Variants in P3H2 observed in about 807,000 individuals in gnomAD.
P3H2 encodes the protein prolyl 3-hydroxylase 2, also known as leprecan-like 1.
In P3H2, 80 loss-of-function variants were observed where a neutral mutation model predicts 87.0. The ratio of observed to expected loss-of-function variants is 0.92; its 90% CI spans 0.77 to 1.11. P3H2 has a LOEUF of 1.11. Among genes scored for constraint, P3H2 ranks in the 50% least tolerant of loss-of-function variants. The pLI, the probability that P3H2 is intolerant of heterozygous loss-of-function variation, is 0.00. For synonymous variants in P3H2, 367 were observed against 359.3 expected (o/e 1.02, Z -0.24); for missense variants, 1,001 against 923.9 (o/e 1.08, Z -1.08).
chr3:190,104,548 C>T (rs1446737458), intron 1 of P3H2, among the ~76,000 whole-genome samples: 1 of 152,142 alleles, frequency 6.6e-6, no homozygotes, highest in Non-Finnish European at 1.5e-5. Context: ...GTGTAGAACA[C>T]CACCAGGTTT....
chr3:190,075,999 T>C (rs75835871), intron 1 of P3H2, among the ~76,000 whole-genome samples: 5,462 of 152,274 alleles, frequency 0.036, 323 homozygotes, highest in African/African-American at 0.12. Context: ...CTTTGTCTTG[T>C]ACTCCTCATG....
intron 3 of P3H2, among the ~76,000 whole-genome samples, chr3:189,993,856 AAAT>A (rs1251662977): frequency 7.2e-5 from 11 of 152,118 alleles, no homozygotes; most frequent in Admixed American, 1.3e-4. Flanking sequence ...ATAAAAAATG[AAAT>A]AATAACTATA....
rs56858478 is a variant in P3H2 at position 190,067,011 on chromosome 3, CT to C, written c.480+53240del. Among the ~76,000 whole-genome samples, 374 of 139,674 alleles carry C rather than the reference CT, an allele frequency of 2.7e-3. 1 individual carries two copies. The highest frequency in any genetic ancestry group is 4.0e-3 in the African/African-American group (149 of 37,432). 91.6% of individuals were successfully genotyped at this position (139,674 alleles called of 152,430 possible). A position where few individuals can be genotyped will look rare whatever the true frequency, so the allele number is the denominator to read the frequency against. ...AGTTTATTCTTTTTTAATTTTCTTT[CT>C]TTTTTTTTTTTTTGTAGAGATGGGG... On this transcript the variant is annotated intron_variant, in intron 1 of 14. Transcript: ENST00000319332.
intron 1 of P3H2, among the ~76,000 whole-genome samples, chr3:190,019,793 T>A (rs1397978765): frequency 0.011 from 442 of 40,474 alleles, 70 homozygotes; most frequent in East Asian, 0.072. Context: ...AAAATATATA[T>A]ATATATATAT....
At position 190,020,713 on chromosome 3, in the gene P3H2, A is replaced by G. The variant is rs906020918; in HGVS notation, c.481-25271T>C. ...AGGGGTGTGGTGATTTTTCCTATGC[A>G]TGGTCTGGCTGGGCGGCTGCTACCC... On this transcript the variant is annotated intron_variant, in intron 1 of 14. Coordinates refer to ENST00000319332, the MANE Select transcript of P3H2 (RefSeq NM_018192.4). 3.7e-5 allele frequency among the ~76,000 whole-genome samples: 5 copies of G among 133,456 alleles called. 2 individuals carry two copies. Among genetic ancestry groups the G allele is most frequent in the African/African-American group, 1.3e-4 (5 of 38,552 alleles). The allele number at this position is 133,456 out of a possible 152,430, so 87.6% of individuals were successfully genotyped here. A position where few individuals can be genotyped will look rare whatever the true frequency, so the allele number is the denominator to read the frequency against.
chr3:189,969,254 T>A, intron 13 of P3H2: 1 of 816,978 alleles, frequency 1.2e-6, no homozygotes, highest in East Asian at 2.5e-5. Context: ...GCCTCTTTAG[T>A]GAGAACCACC....
chr3:190,006,662 G>A (rs1724397138), intron 1 of P3H2, among the ~76,000 whole-genome samples: 1 of 152,166 alleles, frequency 6.6e-6, no homozygotes. Flanking sequence ...GTAAAAATTA[G>A]GAGAAATGTG....
At chr3:190,073,144 C>T (rs1300048895) in intron 1 of P3H2, among the ~76,000 whole-genome samples, 1 of 152,158 alleles carries the variant, frequency 6.6e-6, no homozygotes, top group African/African-American at 2.4e-5. Context: ...AACAGATACA[C>T]CTAATTTGGA....
intron 8 of P3H2, among the ~76,000 whole-genome samples, chr3:189,977,688 C>T (rs527685317): frequency 6.6e-6 from 1 of 152,094 alleles, no homozygotes; most frequent in African/African-American, 2.4e-5. Flanking sequence ...GCAGCCTTGA[C>T]CTCCTATCCT....
At chr3:190,104,579 T>C (rs1188869324) in intron 1 of P3H2, among the ~76,000 whole-genome samples, 1 of 152,230 alleles carries the variant, frequency 6.6e-6, no homozygotes, top group East Asian at 1.9e-4. Flanking sequence ...CTCTGGACAG[T>C]ACATACAGGA....
intron 1 of P3H2, among the ~76,000 whole-genome samples, chr3:190,052,343 T>C (rs974316833): frequency 6.6e-6 from 1 of 152,182 alleles, no homozygotes; most frequent in African/African-American, 2.4e-5. Context: ...CATGCAGTGT[T>C]TGGTTTTCTG....
In P3H2 at chr3:190,001,632, C is replaced by T. The variant is rs113162951; in HGVS notation, c.481-6190G>A. On this transcript the variant is annotated intron_variant, in intron 1 of 14. Coordinates refer to ENST00000319332, the MANE Select transcript of P3H2 (RefSeq NM_018192.4). ...TAAGCCACAGCGCAAGTTCTAAGCTCTAGCTAGCAGCATAAGCACAACAGC... is the reference window on the plus strand; with the variant it reads ...TAAGCCACAGCGCAAGTTCTAAGCTTTAGCTAGCAGCATAAGCACAACAGC... Among the ~76,000 whole-genome samples, 1,165 of 152,316 alleles carry T rather than the reference C, an allele frequency of 7.6e-3. 18 individuals carry two copies. The highest frequency in any genetic ancestry group is 0.026 in the African/African-American group (1,084 of 41,552).
At chr3:189,976,626 T>A (rs1243368898) in intron 8 of P3H2, among the ~76,000 whole-genome samples, 2 of 152,238 alleles carry the variant, frequency 1.3e-5, no homozygotes, top group Admixed American at 6.5e-5. Context: ...TATTTATAAG[T>A]GCATCGTATT....
At chr3:189,982,149 C>T (rs1723556634) in intron 8 of P3H2, among the ~76,000 whole-genome samples, 1 of 152,142 alleles carries the variant, frequency 6.6e-6, no homozygotes, top group Admixed American at 6.5e-5. Context: ...TTTCATGCAG[C>T]AGGTGAAGAA....
chr3:190,090,453 C>T (rs983831405), intron 1 of P3H2, among the ~76,000 whole-genome samples: 3 of 152,188 alleles, frequency 2.0e-5, no homozygotes, highest in Non-Finnish European at 4.4e-5. Flanking sequence ...CCTGTAATCC[C>T]AGCACTTTGG....
intron 1 of P3H2, among the ~76,000 whole-genome samples, chr3:190,071,519 G>A (rs994442967): frequency 6.6e-6 from 1 of 152,078 alleles, no homozygotes; most frequent in Admixed American, 6.6e-5. Flanking sequence ...TAAAAATAAG[G>A]CAATTAATTG....
At chr3:190,117,656 T>G (rs1712343815) in intron 1 of P3H2, among the ~76,000 whole-genome samples, 1 of 151,310 alleles carries the variant, frequency 6.6e-6, no homozygotes, top group Non-Finnish European at 1.5e-5. Context: ...TTTTTTTTTT[T>G]TTTTTCAGTC....
intron 1 of P3H2, among the ~76,000 whole-genome samples, chr3:190,057,589 AT>A (rs1187652024): frequency 1.3e-5 from 2 of 152,046 alleles, no homozygotes; most frequent in Admixed American, 6.6e-5. Context: ...ATAGATTTCT[AT>A]TTGGGATAAT....
chr3:189,966,121 GAAAAAGAAAGAAAGAAAGAA>G (rs1560338980), intron 13 of P3H2, among the ~76,000 whole-genome samples: 6 of 70,742 alleles, frequency 8.5e-5, no homozygotes, highest in African/African-American at 3.4e-4. Flanking sequence ...AAGAAAGAAA[GAAAAAGAAAGAAAGAAAGAA>G]AGAAAGAAAG....
Sources: gnomAD v4.1 joint callset for allele counts (sites outside exome capture counted in the v4.1 genomes callset) on GRCh38, gnomAD v4.1.1 for gene constraint, MANE v1.5 for transcripts, NCBI Gene and HGNC (gene_info 2026-07-23, HGNC 2026-07-21) for gene names.